SIPA1L1: variants seen among roughly 807,000 people sequenced by gnomAD.
The protein encoded by SIPA1L1 is signal-induced proliferation-associated 1-like protein 1.
SIPA1L1 carries 26 observed loss-of-function variants against 162.7 expected under a neutral mutation model. The observed-to-expected ratio is 0.16, with a 90% confidence interval of 0.12 to 0.22. The LOEUF (loss-of-function observed/expected upper bound fraction) is 0.22, where lower values mean the gene tolerates loss of function less well. Ranked by LOEUF, SIPA1L1 falls within the 10% of genes least tolerant of loss-of-function variation. The pLI, the probability that SIPA1L1 is intolerant of heterozygous loss-of-function variation, is 1.00. For missense variants in SIPA1L1, 1,874 were observed against 2,241.0 expected, an observed-to-expected ratio of 0.84 and a Z score of 3.31; for synonymous variants, 829 against 837.4, an observed-to-expected ratio of 0.99 and a Z score of 0.17.
intron 4 of SIPA1L1, among the ~76,000 whole-genome samples, chr14:71,562,533 A>C (rs2056878057): frequency 6.6e-6 from 1 of 152,202 alleles, no homozygotes; most frequent in African/African-American, 2.4e-5. Context: ...AGTGTTCAGC[A>C]CATAATAAAT....
chr14:71,514,005 C>G (rs1316474990), intron 3 of SIPA1L1, among the ~76,000 whole-genome samples: 1 of 152,146 alleles, frequency 6.6e-6, no homozygotes, highest in South Asian at 2.1e-4. Context: ...AACCTCAATT[C>G]TTGCCTCCTC....
intron 7 of SIPA1L1, among the ~76,000 whole-genome samples, chr14:71,642,999 A>G (rs1475361396): frequency 6.6e-6 from 1 of 151,942 alleles, no homozygotes; most frequent in Non-Finnish European, 1.5e-5. Context: ...CAACATCAAT[A>G]TACTGTGAGA....
chr14:71,347,055 G>A (rs1384141812), intron 2 of SIPA1L1, among the ~76,000 whole-genome samples: 3 of 151,318 alleles, frequency 2.0e-5, no homozygotes, highest in African/African-American at 2.4e-5. Context: ...AGGTTCAGGC[G>A]ATTCTCCTGT....
chr14:71,438,318 C>T (rs1382730007), intron 2 of SIPA1L1, among the ~76,000 whole-genome samples: 2 of 152,116 alleles, frequency 1.3e-5, no homozygotes, highest in Admixed American at 6.5e-5. Flanking sequence ...CCTTGGCCCC[C>T]GATTGCACGT....
intron 5 of SIPA1L1, among the ~76,000 whole-genome samples, chr14:71,613,002 G>A (rs1484371268): frequency 2.0e-5 from 3 of 152,166 alleles, no homozygotes. Context: ...ACATTTAAAT[G>A]TGAGGAATGG....
In SIPA1L1 at chr14:71,373,468, T is replaced by C. The variant is rs180856397; in HGVS notation, c.-465+52287T>C. Among the ~76,000 whole-genome samples, 609 of 151,728 alleles carry C rather than the reference T, an allele frequency of 4.0e-3. 10 individuals are homozygous for C. Among genetic ancestry groups the C allele is most frequent in the Non-Finnish European group, 5.4e-3 (366 of 67,944 alleles). On this transcript the variant is annotated intron_variant, in intron 2 of 23. Transcript: ENST00000381232. ...TGAAATCCCGCTTCTACTAAAAATA[T>C]AAGCAAATTAGCTGGGTGTGGTGGC...
chr14:71,538,742 T>A (rs150730964), intron 4 of SIPA1L1, among the ~76,000 whole-genome samples: 2,437 of 151,962 alleles, frequency 0.016, 52 homozygotes, highest in African/African-American at 0.056. Context: ...TTTTGGAGTT[T>A]GTGTCTGTTT....
intron 2 of SIPA1L1, among the ~76,000 whole-genome samples, chr14:71,328,984 A>C (rs1004908721): frequency 9.9e-5 from 15 of 152,200 alleles, no homozygotes; most frequent in African/African-American, 3.6e-4. Context: ...GTTTCTATGA[A>C]TCTGGCTACT....
intron 11 of SIPA1L1, among the ~76,000 whole-genome samples, chr14:71,672,132 T>A (rs2044595640): frequency 6.6e-6 from 1 of 152,194 alleles, no homozygotes. Flanking sequence ...GGTTTCCTTG[T>A]AACTTCAGGG....
intron 4 of SIPA1L1, among the ~76,000 whole-genome samples, chr14:71,539,801 G>A (rs1396351950): frequency 6.6e-6 from 1 of 152,176 alleles, no homozygotes; most frequent in Non-Finnish European, 1.5e-5. Flanking sequence ...ATAATGTGCA[G>A]GAAGAGTTGG....
chr14:71,349,220 A>G (rs2036462003), intron 2 of SIPA1L1, among the ~76,000 whole-genome samples: 1 of 152,238 alleles, frequency 6.6e-6, no homozygotes, highest in Non-Finnish European at 1.5e-5. Flanking sequence ...TCTAATGGTA[A>G]TAAACTGAGA....
Position 71,445,278 on chromosome 14 carries a change from A to G in SIPA1L1, c.-464-67465A>G, listed in dbSNP as rs59553790. The stretch of plus-strand genomic sequence containing the variant: ...TTTCCTGATATGTAGAGAACTCTCA[A>G]TTGTCTGAGGCCTTGGTGAGAGAGT... On this transcript the variant is annotated intron_variant, in intron 2 of 23. Transcript: ENST00000381232. Among the ~76,000 whole-genome samples, 836 of 152,282 alleles carry G rather than the reference A, an allele frequency of 5.5e-3. 9 individuals are homozygous for G. The highest frequency in any genetic ancestry group is 0.019 in the African/African-American group (804 of 41,556).
At chr14:71,627,930 T>A (rs914154402) in intron 7 of SIPA1L1, among the ~76,000 whole-genome samples, 3 of 152,228 alleles carry the variant, frequency 2.0e-5, no homozygotes, top group African/African-American at 7.2e-5. Context: ...TCTGTCATCT[T>A]TATTTTTTTA....
chr14:71,676,371 T>C lies in SIPA1L1; in HGVS notation c.3104+3749T>C, dbSNP rs1196723071. 3.3e-5 allele frequency among the ~76,000 whole-genome samples: 5 copies of C among 151,936 alleles called. No homozygotes were observed. The South Asian group carries it at 8.3e-4, about 25-fold the overall frequency. On this transcript the variant is annotated intron_variant, in intron 12 of 23. Transcript: ENST00000381232. ...GTTCTTGGAAAATATGCAGACCCCT[T>C]ATGAATCGTTTCCAAACTACAATTT...
rs1597142553 is a variant in SIPA1L1 at position 71,709,375 on chromosome 14, A to G, written c.3919A>G (p.Ile1307Val). The change falls in exon 17 of 24, where the codon ATT becomes GTT. Residue 1307 changes from isoleucine to valine, a missense_variant. Physicochemically the swap from Ile to Val is conservative, Grantham distance 29. Around this residue, in one of 5 missense-constraint regions of SIPA1L1, gnomAD observed 936 missense variants for 1,051.9 expected, o/e 0.89. Coordinates refer to ENST00000381232, the MANE Select transcript of SIPA1L1 (RefSeq NM_001386936.1). ...GCAAGGCACCTCTGCTGACAGTGGC[A>G]TTGACACCACCTCTTATGGCCCCAG... ...YLQGTSADSG[I>V]DTTSYGPSHG... 6.2e-7 allele frequency: 1 copy of G among 1,614,210 alleles called. No individual in the cohort carries two copies. Among genetic ancestry groups the G allele is most frequent in the East Asian group, 2.2e-5 (1 of 44,886 alleles).
chr14:71,457,301 ATTTT>A (rs34181116), intron 2 of SIPA1L1, among the ~76,000 whole-genome samples: 1 of 139,782 alleles, frequency 7.2e-6, no homozygotes, highest in Non-Finnish European at 1.6e-5. Flanking sequence ...TGCAATGAAC[ATTTT>A]TTTTTTTTTT....
intron 2 of SIPA1L1, among the ~76,000 whole-genome samples, chr14:71,424,756 G>T (rs1222126342): frequency 6.6e-6 from 1 of 151,940 alleles, no homozygotes; most frequent in Non-Finnish European, 1.5e-5. Context: ...TCTGGTTTTG[G>T]TCTTAGGGTA....
At chr14:71,542,704 C>CCCT (rs147003051) in intron 4 of SIPA1L1, among the ~76,000 whole-genome samples, 1,471 of 105,818 alleles carry the variant, frequency 0.014, 15 homozygotes, top group Non-Finnish European at 0.019. Context: ...TTCTCCTCCT[C>CCCT]CCTCCTCCTC....
rs138091036 is a variant in SIPA1L1 at position 71,358,416 on chromosome 14, A to G, written c.-465+37235A>G. 2.1e-3 allele frequency among the ~76,000 whole-genome samples: 323 copies of G among 152,314 alleles called. 1 individual carries two copies. The highest frequency in any genetic ancestry group is 7.7e-3 in the South Asian group (37 of 4,830). On this transcript the variant is annotated intron_variant, in intron 2 of 23. Transcript: ENST00000381232. ...TTTGCTCATACATAACTCTTTTGCT[A>G]AAGCATTTGCCATTACGTGTATAGT...
Sources: allele counts gnomAD v4.1 joint callset (sites outside exome capture counted in the v4.1 genomes callset), GRCh38; gene constraint gnomAD v4.1.1; regional missense constraint gnomAD v4.1.1; transcripts MANE v1.5; gene names NCBI Gene and HGNC (gene_info 2026-07-23, HGNC 2026-07-21).